The following SEC23A variants were observed in gnomAD, a reference collection of about 807,000 sequenced individuals.
SEC23A encodes the protein SEC23 homolog A, COPII component, also known as protein transport protein Sec23A.
A neutral mutation model predicts 103.7 loss-of-function variants in SEC23A; 56 were observed. That is an observed-to-expected ratio of 0.54 (90% CI 0.44 to 0.67). SEC23A has a LOEUF of 0.67. Among genes scored for constraint, SEC23A ranks in the 30% least tolerant of loss-of-function variants. SEC23A has a pLI of 0.00. For synonymous variants in SEC23A, 281 were observed against 293.0 expected, an observed-to-expected ratio of 0.96 and a Z score of 0.42; for missense variants, 784 against 936.4, an observed-to-expected ratio of 0.84 and a Z score of 2.12.
Position 39,074,407 on chromosome 14 carries a change from A to G in SEC23A, c.1103+8T>C, listed in dbSNP as rs750091104. On this transcript the variant is annotated splice_region_variant and intron_variant, in intron 9 of 19. Coordinates refer to ENST00000307712, the MANE Select transcript of SEC23A (RefSeq NM_006364.4). ...AATTACAAAAACTGTAAAAATTTAA[A>G]TACATACCCAGTAAGGTTGGGACAG... is the stretch of plus-strand genomic sequence containing the variant. The G allele has an allele frequency of 6.5e-7, 1 of 1,539,160 alleles. No individual in the cohort carries two copies. Among genetic ancestry groups the G allele is most frequent in the African/African-American group, 1.4e-5 (1 of 73,404 alleles).
intron 14 of SEC23A, among the ~76,000 whole-genome samples, chr14:39,051,890 C>A (rs1219749206): frequency 6.6e-6 from 1 of 151,788 alleles, no homozygotes; most frequent in Non-Finnish European, 1.5e-5. Context: ...ATTGCTTGAA[C>A]CTGGAGGAGG....
intron 19 of SEC23A, among the ~76,000 whole-genome samples, chr14:39,033,971 TAA>T (rs1885384502): frequency 1.3e-5 from 2 of 152,228 alleles, no homozygotes; most frequent in Admixed American, 6.5e-5. Context: ...TTATTAATTA[TAA>T]ATATTCAAAG....
intron 9 of SEC23A, among the ~76,000 whole-genome samples, chr14:39,067,666 CTTTTTTTT>C: frequency 1.2e-5 from 1 of 82,142 alleles, no homozygotes; most frequent in East Asian, 3.0e-4. Context: ...CATGCATTCT[CTTTTTTTT>C]TTTTTTTTTT....
At chr14:39,052,033 A>G (rs527776357) in intron 14 of SEC23A, among the ~76,000 whole-genome samples, 3 of 152,080 alleles carry the variant, frequency 2.0e-5, no homozygotes, top group Non-Finnish European at 4.4e-5. Flanking sequence ...GGAAGCCATT[A>G]TCCTCAGCAA....
chr14:39,083,926 T>C (rs757421232), intron 7 of SEC23A, among the ~76,000 whole-genome samples: 2 of 152,158 alleles, frequency 1.3e-5, no homozygotes, highest in African/African-American at 4.8e-5. Flanking sequence ...CAATCTCAAA[T>C]AGTTTGGAGA....
rs373104799 is a variant in SEC23A, at chr14:39,040,813, G to T, written c.2061C>A (p.Ala687=). 2.0e-4 allele frequency: 324 copies of T among 1,613,988 alleles called. No homozygotes were observed. The highest frequency in any genetic ancestry group is 2.6e-4 in the Non-Finnish European group (304 of 1,180,032). The part of the protein sequence containing the change: ...EYENFRHLLQ[A]PVDDAQEILH... ...GAATTTCCTGTGCATCATCCACTGG[G>T]GCTTGCAGAAGGTGGCGGAAATTTT... is the stretch of plus-strand genomic sequence containing the variant. Residue 687 remains alanine (A), a synonymous_variant, in exon 18 of 20, where the codon GCC becomes GCA. Transcript: ENST00000307712.
At chr14:39,082,675 C>T (rs1282508565) in intron 7 of SEC23A, among the ~76,000 whole-genome samples, 1 of 152,130 alleles carries the variant, frequency 6.6e-6, no homozygotes, top group Non-Finnish European at 1.5e-5. Flanking sequence ...CAGATACTAC[C>T]TTAATGAATG....
chr14:39,076,176 A>G (rs1887011138), intron 7 of SEC23A, 83 bp from the exon 8 acceptor site: 1 of 1,013,324 alleles, frequency 9.9e-7, no homozygotes, highest in South Asian at 1.5e-5. Context: ...TTCCTTCTAA[A>G]TAAGAGAAAA....
At chr14:39,091,847 T>C (rs374064577) in intron 4 of SEC23A, 134 bp from the exon 5 acceptor site, 7 of 697,298 alleles carry the variant, frequency 1.0e-5, no homozygotes, top group East Asian at 2.7e-5. Context: ...AACAGGTTAT[T>C]TCTACTGTCA....
intron 6 of SEC23A, among the ~76,000 whole-genome samples, 192 bp from the exon 7 acceptor site, chr14:39,086,098 A>G (rs1399647873): frequency 1.3e-5 from 2 of 152,172 alleles, no homozygotes; most frequent in South Asian, 2.1e-4. Context: ...TCCCAGTTCT[A>G]GAGTTTGTTT....
In SEC23A at chr14:39,042,893, A is replaced by C. The variant is rs765230150; in HGVS notation, c.1900-21T>G. ...ACCGGCTAACGTAAAGAAAACAATG[A>C]GAAATGAGGAAAAAGGAAAAATAAT... On this transcript the variant is annotated intron_variant, in intron 16 of 19. Transcript: ENST00000307712. The C allele has an allele frequency of 3.9e-6, 6 of 1,520,244 alleles. No individual in the cohort carries two copies. The South Asian group carries it at 6.7e-5, about 17-fold the overall frequency. The allele number at this position is 1,520,244 out of a possible 1,614,324, so 94.2% of individuals were successfully genotyped here. A position where few individuals can be genotyped will look rare whatever the true frequency, so the allele number is the denominator to read the frequency against.
chr14:39,049,766 C>T (rs1182848592), intron 14 of SEC23A, among the ~76,000 whole-genome samples: 2 of 150,104 alleles, frequency 1.3e-5, no homozygotes, highest in African/African-American at 4.9e-5. Context: ...GGAGACAGAG[C>T]GAGATTCTGT....
chr14:39,070,855 C>T (rs533105093), intron 9 of SEC23A, among the ~76,000 whole-genome samples: 3 of 152,120 alleles, frequency 2.0e-5, no homozygotes, highest in South Asian at 4.2e-4. Context: ...GGTGAAACCC[C>T]GTCTCTACTA....
At chr14:39,091,433 G>T (rs1315474559) in intron 5 of SEC23A, 44 bp downstream of exon 5, 1 of 1,375,168 alleles carries the variant, frequency 7.3e-7, no homozygotes, top group Non-Finnish European at 1.0e-6. Flanking sequence ...AACATATATA[G>T]AGTAATTTTC....
At chr14:39,063,894 G>C (rs1417049901) in intron 11 of SEC23A, among the ~76,000 whole-genome samples, 7 of 152,012 alleles carry the variant, frequency 4.6e-5, no homozygotes, top group Non-Finnish European at 1.0e-4. Context: ...TATTTGGAAG[G>C]CTGAGGCAGG....
Position 39,045,177 on chromosome 14 carries a change from TA to T in SEC23A, c.1884del (p.Phe628LeufsTer30). Reference protein sequence around the residue: ...MIQPILYAYSFSGPPEPVLLD... With the variant: ...MIQPILYAYSXSGPPEPVLLD... ...GTCCCTCTTACCTCTGGTGGTCCAC[TA>T]AAAGAATACGCATACAGGATAGGCT... On this transcript the variant is annotated frameshift_variant, in exon 16 of 20. Coordinates refer to ENST00000307712, the MANE Select transcript of SEC23A (RefSeq NM_006364.4). LOFTEE classifies it high-confidence loss of function. 1 of 1,613,628 alleles carries T rather than the reference TA, an allele frequency of 6.2e-7. No individual in the cohort carries two copies. Among genetic ancestry groups the T allele is most frequent in the Non-Finnish European group, 8.5e-7 (1 of 1,179,740 alleles).
chr14:39,067,194 A>G lies in SEC23A; in HGVS notation c.1206T>C (p.Phe402=). 2 of 1,613,860 alleles carry G rather than the reference A, an allele frequency of 1.2e-6. No homozygotes were observed. Among genetic ancestry groups the G allele is most frequent in the South Asian group, 2.2e-5 (2 of 91,082 alleles). Residue 402 remains phenylalanine (F), a synonymous_variant, in exon 10 of 20, where the codon TTT becomes TTC. Coordinates refer to ENST00000307712, the MANE Select transcript of SEC23A (RefSeq NM_006364.4). ...KDMHGQFKMG[F]GGTLEIKTSR... is the part of the protein sequence containing the mutation. ...TTACCTTTATTTCTAGCGTACCACC[A>G]AAGCCCATTTTAAACTGTCCATGCA...
At chr14:39,050,632 T>G (rs1886022743) in intron 14 of SEC23A, among the ~76,000 whole-genome samples, 1 of 152,112 alleles carries the variant, frequency 6.6e-6, no homozygotes, top group South Asian at 2.1e-4. Context: ...GCCATCAATT[T>G]TAAGTTGTGA....
At chr14:39,094,770 T>G in intron 2 of SEC23A, 1 of 451,410 alleles carries the variant, frequency 2.2e-6, no homozygotes, top group Non-Finnish European at 3.9e-6. Context: ...AAGGTAGGAG[T>G]AAGTTTGGTA....
Sources: gnomAD v4.1 joint callset for allele counts (sites outside exome capture counted in the v4.1 genomes callset) on GRCh38, gnomAD v4.1.1 for gene constraint, MANE v1.5 for transcripts, NCBI Gene and HGNC (gene_info 2026-07-23, HGNC 2026-07-21) for gene names.